IL1RAP: variants seen among roughly 807,000 people sequenced by gnomAD.
IL1RAP encodes the protein interleukin 1 receptor accessory protein.
In IL1RAP, 35 loss-of-function variants were observed where a neutral mutation model predicts 60.7. That is an observed-to-expected ratio of 0.58 (90% confidence interval 0.44 to 0.76). IL1RAP has a LOEUF of 0.76. Ranked by LOEUF, IL1RAP falls within the 30% of genes least tolerant of loss-of-function variation. IL1RAP has a pLI of 0.00. For synonymous variants in IL1RAP, 268 were observed against 250.9 expected (o/e 1.07, Z -0.64); for missense variants, 572 against 693.9 (o/e 0.82, Z 1.97).
At chr3:190,655,847 A>T, downstream of IL1RAP, 1 of 1,397,650 alleles carries the variant, frequency 7.2e-7, no homozygotes, top group Non-Finnish European at 9.8e-7. Context: ...AATATATGTA[A>T]GTTTTCACTA....
intron 6 of IL1RAP, 84 bp downstream of exon 6, chr3:190,620,524 G>GTAA: frequency 8.4e-7 from 1 of 1,188,446 alleles, no homozygotes; most frequent in Non-Finnish European, 1.2e-6. Flanking sequence ...ACACTAGTAT[G>GTAA]TAAATTGTAT....
chr3:190,614,523 G>A (rs148802130), intron 5 of IL1RAP, among the ~76,000 whole-genome samples: 2 of 152,068 alleles, frequency 1.3e-5, no homozygotes, highest in East Asian at 1.9e-4. Context: ...TGTTCCAAAC[G>A]CTTGATTTTA....
At chr3:190,654,190 T>TCTCACACACACA (rs1553854858), downstream of IL1RAP, among the ~76,000 whole-genome samples, 9 of 140,512 alleles carry the variant, frequency 6.4e-5, no homozygotes, top group South Asian at 7.3e-4. Context: ...AAACATCATA[T>TCTCACACACACA]CACACACACA....
Position 190,650,992 on chromosome 3 carries a change from A to T in IL1RAP, c.*2287A>T. The T allele has an allele frequency of 3.0e-6, 3 of 985,218 alleles. No individual in the cohort carries two copies. In the South Asian group the frequency reaches 1.4e-4, roughly 46 times the overall value. 61.0% of individuals were successfully genotyped at this position (985,218 alleles called of 1,614,324 possible). A position where few individuals can be genotyped will look rare whatever the true frequency, so the allele number is the denominator to read the frequency against. Reference sequence around the variant, plus strand: ...TTCTATTTATATGCCTGCCTTTGGTACTTAATTTTACAAATGCTGTAATAT... The same window carrying T: ...TTCTATTTATATGCCTGCCTTTGGTTCTTAATTTTACAAATGCTGTAATAT... On this transcript the variant is annotated 3_prime_UTR_variant, in exon 12 of 12. Coordinates refer to ENST00000447382, the MANE Select transcript of IL1RAP (RefSeq NM_002182.4).
chr3:190,551,719 C>T (rs1324664635), intron 1 of IL1RAP, among the ~76,000 whole-genome samples: 1 of 152,102 alleles, frequency 6.6e-6, no homozygotes, highest in African/African-American at 2.4e-5. Flanking sequence ...GAGCCCCTGT[C>T]AAAGTTCTAT....
chr3:190,613,382 G>A (rs931842027), intron 5 of IL1RAP, among the ~76,000 whole-genome samples: 3 of 152,152 alleles, frequency 2.0e-5, no homozygotes, highest in Non-Finnish European at 2.9e-5. Flanking sequence ...TAGTGGTTAC[G>A]TGATTATGAG....
At chr3:190,637,142 G>A (rs1025425904) in intron 9 of IL1RAP, among the ~76,000 whole-genome samples, 2 of 152,126 alleles carry the variant, frequency 1.3e-5, no homozygotes, top group African/African-American at 4.8e-5. Flanking sequence ...AACATGTATT[G>A]TGAAAGTTTG....
At chr3:190,522,506 C>T (rs1722173385) in intron 1 of IL1RAP, among the ~76,000 whole-genome samples, 1 of 151,554 alleles carries the variant, frequency 6.6e-6, no homozygotes, top group African/African-American at 2.4e-5. Context: ...ATATATTAAG[C>T]CTCTAGCTTT....
intron 3 of IL1RAP, among the ~76,000 whole-genome samples, chr3:190,579,470 G>A (rs964147196): frequency 6.6e-6 from 1 of 152,116 alleles, no homozygotes. Flanking sequence ...TGGTTTAGAC[G>A]TAGTTTTGCA....
chr3:190,605,003 C>G (rs1730180808), intron 4 of IL1RAP, among the ~76,000 whole-genome samples: 1 of 152,172 alleles, frequency 6.6e-6, no homozygotes, highest in African/African-American at 2.4e-5. Flanking sequence ...CTAGAACGAA[C>G]TGGGAGTCCT....
chr3:190,609,163 G>A lies in IL1RAP; in HGVS notation c.519G>A (p.Pro173=), dbSNP rs554249703. 1.1e-5 allele frequency: 18 copies of A among 1,609,306 alleles called. No homozygotes were observed. Among genetic ancestry groups the A allele is most frequent in the South Asian group, 4.4e-5 (4 of 90,516 alleles). ...VDGYFPSSVK[P]TITWYMGCYK... ...GATATTTTCCTTCCAGTGTCAAACC[G>A]ACTATCACTTGGTATATGGTAAGGA... is the stretch of plus-strand genomic sequence containing the variant. The change falls in exon 5 of 12, where the codon CCG becomes CCA. Residue 173 remains proline, a synonymous_variant. Coordinates refer to ENST00000447382, the MANE Select transcript of IL1RAP (RefSeq NM_002182.4).
At chr3:190,568,934 G>A (rs1279229287) in intron 3 of IL1RAP, among the ~76,000 whole-genome samples, 1 of 152,224 alleles carries the variant, frequency 6.6e-6, no homozygotes, top group East Asian at 1.9e-4. Flanking sequence ...TAAAGTTTGA[G>A]AGAAGGAAGA....
chr3:190,523,257 T>C (rs1722238014), intron 1 of IL1RAP, among the ~76,000 whole-genome samples: 1 of 152,188 alleles, frequency 6.6e-6, no homozygotes, highest in Non-Finnish European at 1.5e-5. Flanking sequence ...CTGCTTGCTC[T>C]CTGAAATCCT....
At chr3:190,657,328 C>T (rs577498580) in exon 12 of IL1RAP, 1 of 152,062 alleles carries the variant, frequency 6.6e-6, no homozygotes, top group Non-Finnish European at 1.5e-5. Context: ...AACTAAGATG[C>T]CTTTTTTGTT....
At chr3:190,538,345 A>G (rs1723643346) in intron 1 of IL1RAP, among the ~76,000 whole-genome samples, 2 of 152,148 alleles carry the variant, frequency 1.3e-5, no homozygotes, top group Admixed American at 1.3e-4. Flanking sequence ...CTCCTTATGC[A>G]TGCTACCATT....
rs767968638 is a variant in IL1RAP at position 190,629,736 on chromosome 3, C to T, written c.1051+238C>T. 12 of 1,209,426 alleles carry T rather than the reference C, an allele frequency of 9.9e-6. No homozygotes were observed. The East Asian group carries it at 2.9e-4, about 29-fold the overall frequency. The allele number at this position is 1,209,426 out of a possible 1,614,324, so 74.9% of individuals were successfully genotyped here. A position where few individuals can be genotyped will look rare whatever the true frequency, so the allele number is the denominator to read the frequency against. On this transcript the variant is annotated intron_variant, in intron 9 of 11. Transcript: ENST00000447382. Reference sequence around the variant, plus strand: ...GCCCAAATGTAGCTAAAAAAATCGACGTGAGTACAGTGAGACACAATTTTG... The same window carrying T: ...GCCCAAATGTAGCTAAAAAAATCGATGTGAGTACAGTGAGACACAATTTTG...
chr3:190,527,284 C>A (rs1330213986), intron 1 of IL1RAP, among the ~76,000 whole-genome samples: 2 of 152,286 alleles, frequency 1.3e-5, no homozygotes, highest in East Asian at 3.9e-4. Context: ...TTCATTATCT[C>A]ATTCAATCCT....
intron 3 of IL1RAP, among the ~76,000 whole-genome samples, chr3:190,600,877 TTTAGGTGTG>T (rs1453519023): frequency 6.6e-6 from 1 of 152,256 alleles, no homozygotes; most frequent in Non-Finnish European, 1.5e-5. Flanking sequence ...GATTTGTCTT[TTTAGGTGTG>T]TTAAGTCTGT....
chr3:190,642,015 A>G (rs62286262), intron 9 of IL1RAP: 43,215 of 152,124 alleles, frequency 0.28, 7,610 homozygotes, highest in African/African-American at 0.5. Flanking sequence ...GTCCCAGGCT[A>G]TACCTGTGGC....
Sources: gnomAD v4.1 joint callset for allele counts (sites outside exome capture counted in the v4.1 genomes callset) on GRCh38, gnomAD v4.1.1 for gene constraint, MANE v1.5 for transcripts, NCBI Gene and HGNC (gene_info 2026-07-23, HGNC 2026-07-21) for gene names.